Variants in ZNRF1 observed in about 807,000 individuals in gnomAD.
The protein encoded by ZNRF1 is E3 ubiquitin-protein ligase ZNRF1.
ZNRF1 carries 3 observed loss-of-function variants against 18.4 expected under a neutral mutation model. The observed-to-expected ratio is 0.16, with a 90% CI of 0.07 to 0.42. ZNRF1 has a LOEUF of 0.42. Ranked by LOEUF, ZNRF1 falls within the 10% of genes least tolerant of loss-of-function variation. The probability of loss-of-function intolerance (pLI) is 0.99; values close to 1 mark genes in which losing one functional copy is unlikely to be tolerated. For missense variants in ZNRF1, 310 were observed against 329.8 expected, an observed-to-expected ratio of 0.94 and a Z score of 0.47; for synonymous variants, 157 against 144.2, an observed-to-expected ratio of 1.09 and a Z score of -0.64.
At chr16:75,062,926 T>C (rs2035760713) in intron 1 of ZNRF1, among the ~76,000 whole-genome samples, 1 of 152,326 alleles carries the variant, frequency 6.6e-6, no homozygotes, top group South Asian at 2.1e-4. Context: ...CCAGCTCCTT[T>C]TGCTCACCTG....
chr16:75,051,024 C>T (rs1014993767), intron 1 of ZNRF1, among the ~76,000 whole-genome samples: 4 of 129,000 alleles, frequency 3.1e-5, no homozygotes, highest in Admixed American at 1.8e-4. Context: ...GAGACCTTGT[C>T]GCTACAAAAA....
At chr16:75,015,965 G>A (rs1289673127) in intron 1 of ZNRF1, among the ~76,000 whole-genome samples, 2 of 146,108 alleles carry the variant, frequency 1.4e-5, no homozygotes, top group African/African-American at 2.6e-5. Flanking sequence ...TGTCCACCCA[G>A]GCTGGAATGC....
intron 1 of ZNRF1, among the ~76,000 whole-genome samples, chr16:75,015,909 C>G (rs922049795): frequency 6.6e-6 from 1 of 150,836 alleles, no homozygotes; most frequent in Non-Finnish European, 1.5e-5. Context: ...TGTGCTAATA[C>G]GCTTTTCTTT....
At chr16:75,093,477 C>T (rs1195326993) in intron 1 of ZNRF1, 95 bp from the exon 2 acceptor site, 8 of 958,436 alleles carry the variant, frequency 8.3e-6, no homozygotes, top group Non-Finnish European at 1.3e-5. Flanking sequence ...CACATTGACC[C>T]TGAGCCCACA....
At chr16:75,073,158 C>CTG (rs1555513187) in intron 1 of ZNRF1, among the ~76,000 whole-genome samples, 1 of 150,998 alleles carries the variant, frequency 6.6e-6, no homozygotes, top group African/African-American at 2.4e-5. Flanking sequence ...CTCTCTGTCT[C>CTG]TCTGTCTATA....
At chr16:75,024,955 C>T (rs34215264) in intron 1 of ZNRF1, among the ~76,000 whole-genome samples, 61,610 of 152,024 alleles carry the variant, frequency 0.41, 15,020 homozygotes, top group Non-Finnish European at 0.55. Context: ...TGTGTAAAGC[C>T]GTAGAAAGCA....
chr16:75,106,630 G>A, intron 4 of ZNRF1, 59 bp downstream of exon 4: 2 of 1,472,032 alleles, frequency 1.4e-6, no homozygotes, highest in South Asian at 1.1e-5. Flanking sequence ...CACTTTGGGG[G>A]CCTGCAGTTT....
At chr16:75,099,717 T>C (rs1292965815) in intron 2 of ZNRF1, among the ~76,000 whole-genome samples, 1 of 152,204 alleles carries the variant, frequency 6.6e-6, no homozygotes, top group Non-Finnish European at 1.5e-5. Flanking sequence ...TTTGACTCCA[T>C]CTGCAGCAGA....
intron 1 of ZNRF1, among the ~76,000 whole-genome samples, chr16:75,054,032 CATTTGAG>C (rs2035639718): frequency 6.6e-6 from 1 of 152,202 alleles, no homozygotes; most frequent in Non-Finnish European, 1.5e-5. Flanking sequence ...GGACTGATGC[CATTTGAG>C]ATTATTTCTT....
chr16:75,024,693 TG>T (rs2035197938), intron 1 of ZNRF1, among the ~76,000 whole-genome samples: 2 of 152,208 alleles, frequency 1.3e-5, no homozygotes, highest in South Asian at 4.1e-4. Flanking sequence ...GTGAGGGAGT[TG>T]GAAAGGCTGA....
At position 75,050,870 on chromosome 16, in the gene ZNRF1, C is replaced by CAAAAAA. The variant is rs1165011147; in HGVS notation, c.425-42689_425-42684dup. ...TGGGCGACAGAGCAAGACTCCGTCT[C>CAAAAAA]AAAAAAAAAAAAAAAAAACAAAAAA... On this transcript the variant is annotated intron_variant, in intron 1 of 4. Coordinates refer to ENST00000335325, the MANE Select transcript of ZNRF1 (RefSeq NM_032268.5). Among the ~76,000 whole-genome samples the CAAAAAA allele has an allele frequency of 1.3e-3, 12 of 9,236 alleles. 2 individuals carry two copies. The highest frequency in any genetic ancestry group is 2.2e-3 in the Non-Finnish European group (6 of 2,712). The allele number at this position is 9,236 out of a possible 152,430, so 6.1% of individuals were successfully genotyped here. A position where few individuals can be genotyped will look rare whatever the true frequency, so the allele number is the denominator to read the frequency against.
intron 1 of ZNRF1, among the ~76,000 whole-genome samples, chr16:75,085,291 A>C (rs1032124505): frequency 6.6e-6 from 1 of 152,164 alleles, no homozygotes; most frequent in African/African-American, 2.4e-5. Context: ...AATTAGAATC[A>C]TGTGTGCACT....
intron 1 of ZNRF1, among the ~76,000 whole-genome samples, chr16:75,018,590 T>G (rs1322289194): frequency 6.6e-6 from 1 of 152,202 alleles, no homozygotes; most frequent in Non-Finnish European, 1.5e-5. Flanking sequence ...ATTCCTACTT[T>G]GCTAAATTAT....
chr16:75,090,755 A>G (rs957916414), intron 1 of ZNRF1, among the ~76,000 whole-genome samples: 4 of 152,148 alleles, frequency 2.6e-5, no homozygotes, highest in African/African-American at 7.2e-5. Context: ...GCCTGGTCCC[A>G]TAGTTCAAAG....
chr16:75,037,350 G>A (rs1224581448), intron 1 of ZNRF1, among the ~76,000 whole-genome samples: 1 of 151,816 alleles, frequency 6.6e-6, no homozygotes, highest in African/African-American at 2.4e-5. Context: ...TTTTTGTTTT[G>A]TTTTGTTTTG....
intron 2 of ZNRF1, among the ~76,000 whole-genome samples, chr16:75,100,793 C>G (rs1489285045): frequency 6.6e-6 from 1 of 152,182 alleles, no homozygotes; most frequent in African/African-American, 2.4e-5. Flanking sequence ...GATGAGGTGT[C>G]CAAGACAAAG....
At chr16:75,104,980 G>T in intron 3 of ZNRF1, 91 bp downstream of exon 3, 4 of 1,088,414 alleles carry the variant, frequency 3.7e-6, no homozygotes. Context: ...TTGGTTATGG[G>T]ATGACCTCTC....
chr16:75,104,627 T>C lies in ZNRF1; in HGVS notation c.521-157T>C. The C allele has an allele frequency of 8.6e-6, 5 of 581,340 alleles. No homozygotes were observed. In the South Asian group the frequency reaches 1.1e-4, roughly 12 times the overall value. 36.0% of individuals were successfully genotyped at this position (581,340 alleles called of 1,614,324 possible). Reference sequence around the variant, plus strand: ...CGCATTATCTCCACGGTGAAAGTCTTAAGGTCAACGTCCCTCTTGGGGTTC... The same window carrying C: ...CGCATTATCTCCACGGTGAAAGTCTCAAGGTCAACGTCCCTCTTGGGGTTC... On this transcript the variant is annotated intron_variant, in intron 2 of 4. Transcript: ENST00000335325.
chr16:75,095,893 T>G (rs1323393089), intron 2 of ZNRF1: 1 of 771,700 alleles, frequency 1.3e-6, no homozygotes, highest in Admixed American at 3.4e-5. Context: ...CACCCAAGAC[T>G]ACAGAAACCA....
Sources: allele counts gnomAD v4.1 joint callset (sites outside exome capture counted in the v4.1 genomes callset), GRCh38; gene constraint gnomAD v4.1.1; transcripts MANE v1.5; gene names NCBI Gene and HGNC (gene_info 2026-07-23, HGNC 2026-07-21).